PCDHGB6: variants seen among roughly 807,000 people sequenced by gnomAD.
PCDHGB6 encodes the protein protocadherin gamma-B6.
A neutral mutation model predicts 59.1 loss-of-function variants in PCDHGB6; 51 were observed. The observed-to-expected ratio is 0.86, with a 90% CI of 0.69 to 1.09. The LOEUF (loss-of-function observed/expected upper bound fraction) is 1.09, where lower values mean the gene tolerates loss of function less well. PCDHGB6 is among the 50% of genes least tolerant of loss of function. The probability of loss-of-function intolerance (pLI) is 0.00; values close to 1 mark genes in which losing one functional copy is unlikely to be tolerated. For missense variants in PCDHGB6, 1,148 were observed against 1,205.1 expected, an observed-to-expected ratio of 0.95 and a Z score of 0.70; for synonymous variants, 466 against 495.1, an observed-to-expected ratio of 0.94 and a Z score of 0.78.
chr5:141,486,985 T>C lies in PCDHGB6; in HGVS notation c.2419-7822T>C. On this transcript the variant is annotated intron_variant, in intron 1 of 3. Coordinates refer to ENST00000520790, the MANE Select transcript of PCDHGB6 (RefSeq NM_018926.3). The surrounding 1 kb of genome is among the most constrained non-coding windows in gnomAD (Gnocchi z 5.0). ...TGGACTTGGATTCAGGTTACAATGC[T>C]TGGGTTTCCTATCAGCTCCTGGAGG... 1 of 1,614,208 alleles carries C rather than the reference T, an allele frequency of 6.2e-7. No individual in the cohort carries two copies. The highest frequency in any genetic ancestry group is 8.5e-7 in the Non-Finnish European group (1 of 1,180,040).
intron 1 of PCDHGB6, chr5:141,441,889 GT>G: frequency 2.9e-6 from 1 of 346,022 alleles, no homozygotes; most frequent in South Asian, 2.6e-5. Flanking sequence ...GGTCACCAAG[GT>G]GGTGGCTGTA....
rs138149681 is a variant in PCDHGB6, at chr5:141,486,735, G to A, written c.2419-8072G>A. Reference sequence around the variant, plus strand: ...CAGACAGGAGCTGTTCATGCTACTCGATCCTTTGACTATGAGCAAACCCAG... The same window carrying A: ...CAGACAGGAGCTGTTCATGCTACTCAATCCTTTGACTATGAGCAAACCCAG... On this transcript the variant is annotated intron_variant, in intron 1 of 3. Transcript: ENST00000520790. The surrounding 1 kb of genome is among the most constrained non-coding windows in gnomAD (Gnocchi z 5.0). 3.1e-4 allele frequency: 502 copies of A among 1,614,174 alleles called. 1 individual carries two copies. Among genetic ancestry groups the A allele is most frequent in the South Asian group, 1.8e-3 (161 of 91,086 alleles).
At chr5:141,414,829 T>C (rs746789783) in intron 1 of PCDHGB6, 18 of 1,614,078 alleles carry the variant, frequency 1.1e-5, no homozygotes, top group Non-Finnish European at 1.5e-5. Context: ...CAACGTGTCG[T>C]TGAGCCTGTT....
chr5:141,485,674 T>C lies in PCDHGB6; in HGVS notation c.2419-9133T>C. 1 of 1,612,986 alleles carries C rather than the reference T, an allele frequency of 6.2e-7. No homozygotes were observed. Among genetic ancestry groups the C allele is most frequent in the South Asian group, 1.1e-5 (1 of 91,072 alleles). Reference sequence around the variant, plus strand: ...ATGCAGATGTGGGGAGCAATTCGATTAGCAGCTATAGGCTGAGCTCCAATG... The same window carrying C: ...ATGCAGATGTGGGGAGCAATTCGATCAGCAGCTATAGGCTGAGCTCCAATG... On this transcript the variant is annotated intron_variant, in intron 1 of 3. Transcript: ENST00000520790. This position sits in a 1 kb window ranked among gnomAD's most constrained non-coding sequence, Gnocchi z 5.7.
At chr5:141,444,119 T>G (rs1236466434) in intron 1 of PCDHGB6, among the ~76,000 whole-genome samples, 4 of 146,736 alleles carry the variant, frequency 2.7e-5, no homozygotes, top group African/African-American at 1.0e-4. Context: ...AAGTGAAGTA[T>G]CTCAACAGAT....
rs780578882 is a variant in PCDHGB6 at position 141,486,578 on chromosome 5, C to T, written c.2419-8229C>T. On this transcript the variant is annotated intron_variant, in intron 1 of 3. Coordinates refer to ENST00000520790, the MANE Select transcript of PCDHGB6 (RefSeq NM_018926.3). This position sits in a 1 kb window ranked among gnomAD's most constrained non-coding sequence, Gnocchi z 5.0. ...TGAGGTGTTTGTTCCTGAGAACAAT[C>T]GCCCAGGGGACCTGCTTTGCTCCCT... 1.6e-5 allele frequency: 26 copies of T among 1,613,728 alleles called. No homozygotes were observed. The highest frequency in any genetic ancestry group is 2.2e-5 in the South Asian group (2 of 91,072).
Position 141,485,859 on chromosome 5 carries a change from G to A in PCDHGB6, c.2419-8948G>A, listed in dbSNP as rs1272239385. ...CCGAGATCTGGCACCGCAGAGCTCC[G>A]GGTATCCGTGCTGGACGTAAACGAC... On this transcript the variant is annotated intron_variant, in intron 1 of 3. Transcript: ENST00000520790. This position sits in a 1 kb window ranked among gnomAD's most constrained non-coding sequence, Gnocchi z 5.7. 3.7e-6 allele frequency: 6 copies of A among 1,614,046 alleles called. No homozygotes were observed. Among genetic ancestry groups the A allele is most frequent in the Admixed American group, 3.3e-5 (2 of 60,000 alleles).
At position 141,432,782 on chromosome 5, in the gene PCDHGB6, C is replaced by G. The variant is rs547164205; in HGVS notation, c.2418+22162C>G. On this transcript the variant is annotated intron_variant, in intron 1 of 3. Transcript: ENST00000520790. The surrounding 1 kb of genome is among the most constrained non-coding windows in gnomAD (Gnocchi z 6.0). ...CAGCATCCCCCAAGTCCTGGCGGACCTCGGCAGCCTCGAGTCTCCAGCTAA... is the reference window on the plus strand; with the variant it reads ...CAGCATCCCCCAAGTCCTGGCGGACGTCGGCAGCCTCGAGTCTCCAGCTAA... 4.3e-6 allele frequency: 7 copies of G among 1,614,046 alleles called. No individual in the cohort carries two copies. The highest frequency in any genetic ancestry group is 3.3e-4 in the Middle Eastern group (2 of 6,084).
intron 2 of PCDHGB6, among the ~76,000 whole-genome samples, chr5:141,498,994 AAGGAAGGAAGG>A (rs2099788184): frequency 2.0e-5 from 3 of 148,560 alleles, no homozygotes; most frequent in Non-Finnish European, 4.5e-5. Flanking sequence ...GGAAGGAAGG[AAGGAAGGAAGG>A]AAGGAAGGAA....
In PCDHGB6 at chr5:141,432,469, C is replaced by A; in HGVS notation, c.2418+21849C>A. On this transcript the variant is annotated intron_variant, in intron 1 of 3. Coordinates refer to ENST00000520790, the MANE Select transcript of PCDHGB6 (RefSeq NM_018926.3). The surrounding 1 kb of genome is among the most constrained non-coding windows in gnomAD (Gnocchi z 6.0). ...TCCTGTACCCCGCCCTCCCCACGGA[C>A]GGTTCCACTGGCGTGGAGCTGGCTC... 6.2e-7 allele frequency: 1 copy of A among 1,614,218 alleles called. No individual in the cohort carries two copies.
intron 2 of PCDHGB6, among the ~76,000 whole-genome samples, chr5:141,499,612 C>T (rs1489412444): frequency 6.6e-6 from 1 of 151,968 alleles, no homozygotes; most frequent in African/African-American, 2.4e-5. Context: ...TACCCTTATC[C>T]TGTCCTTGGA....
At chr5:141,428,129 C>G (rs1449809875) in intron 1 of PCDHGB6, 1 of 1,603,218 alleles carries the variant, frequency 6.2e-7, no homozygotes, top group Non-Finnish European at 8.5e-7. Context: ...CCGGGCTTTT[C>G]AGCCTGGGGC....
Position 141,409,125 on chromosome 5 carries a change from AT to A in PCDHGB6, c.927del (p.Phe309LeufsTer4). 1 of 1,613,982 alleles carries A rather than the reference AT, an allele frequency of 6.2e-7. No homozygotes were observed. Among genetic ancestry groups the A allele is most frequent in the Non-Finnish European group, 8.5e-7 (1 of 1,179,882 alleles). ...TGMIKNNQSF[D>X]FEDVERYTME... The stretch of plus-strand genomic sequence containing the variant: ...ATGATTAAGAATAACCAGTCATTTG[AT>A]TTTGAAGATGTAGAAAGGTACACCA... On this transcript the variant is annotated frameshift_variant, in exon 1 of 4. Transcript: ENST00000520790. LOFTEE classifies it high-confidence loss of function.
chr5:141,428,222 C>A, intron 1 of PCDHGB6: 1 of 1,173,442 alleles, frequency 8.5e-7, no homozygotes, highest in Non-Finnish European at 1.2e-6. Flanking sequence ...CTAGTCTTCG[C>A]AGACAGCCTG....
intron 1 of PCDHGB6, among the ~76,000 whole-genome samples, chr5:141,469,859 A>C (rs2099213257): frequency 6.6e-6 from 1 of 152,080 alleles, no homozygotes; most frequent in Non-Finnish European, 1.5e-5. Context: ...GACCGGGTGC[A>C]ATGGCTCACG....
At chr5:141,488,578 G>A (rs1286219713) in intron 1 of PCDHGB6, among the ~76,000 whole-genome samples, 2 of 152,178 alleles carry the variant, frequency 1.3e-5, no homozygotes, top group Non-Finnish European at 2.9e-5. Flanking sequence ...AGCATTGCTG[G>A]AGAGTCAGGG....
chr5:141,433,837 C>CAAAAAAAAAAAAAAA (rs56191208), intron 1 of PCDHGB6, among the ~76,000 whole-genome samples: 1 of 111,692 alleles, frequency 9.0e-6, no homozygotes. Flanking sequence ...AACTCTATCT[C>CAAAAAAAAAAAAAAA]AAAAAAAAAA....
chr5:141,443,216 C>T (rs758242896), intron 1 of PCDHGB6, among the ~76,000 whole-genome samples: 3 of 151,908 alleles, frequency 2.0e-5, no homozygotes, highest in South Asian at 2.1e-4. Context: ...TCTCGCCAGG[C>T]GCATCTATAA....
At chr5:141,433,056 G>A (rs1422450948) in intron 1 of PCDHGB6, 1 of 1,614,204 alleles carries the variant, frequency 6.2e-7, no homozygotes, top group South Asian at 1.1e-5. Context: ...TCGCGGAAGA[G>A]TCACCTGATC....
Sources: gnomAD v4.1 joint callset for allele counts (sites outside exome capture counted in the v4.1 genomes callset) on GRCh38, gnomAD v4.1.1 for gene constraint, Gnocchi (gnomAD v3.1) non-coding constraint, MANE v1.5 for transcripts, NCBI Gene and HGNC (gene_info 2026-07-23, HGNC 2026-07-21) for gene names.